Variants in AK3 observed in about 807,000 individuals in gnomAD.
AK3 encodes the protein adenylate kinase 3.
In AK3, 27 loss-of-function variants were observed where a neutral mutation model predicts 23.7. That is an observed-to-expected ratio of 1.14 (90% confidence interval 0.84 to 1.57). AK3 has a LOEUF of 1.57. Ranked by LOEUF, AK3 falls within the 40% of genes most tolerant of loss-of-function variation. The pLI, the probability that AK3 is intolerant of heterozygous loss-of-function variation, is 0.00. For missense variants in AK3, 406 were observed against 285.6 expected (o/e 1.42, Z -3.04); for synonymous variants, 159 against 116.0 (o/e 1.37, Z -2.38).
chr9:4,738,099 A>G (rs1200692211), intron 1 of AK3, among the ~76,000 whole-genome samples: 1 of 152,236 alleles, frequency 6.6e-6, no homozygotes, highest in Non-Finnish European at 1.5e-5. Flanking sequence ...ATTTATTACA[A>G]CAAACAATAG....
chr9:4,735,466 G>GTGTA (rs368205956), intron 1 of AK3, among the ~76,000 whole-genome samples: 640 of 46,720 alleles, frequency 0.014, 40 homozygotes, highest in Middle Eastern at 0.022. Context: ...TAGTATATGT[G>GTGTA]TATATATATA....
intron 1 of AK3, among the ~76,000 whole-genome samples, chr9:4,732,537 GT>G (rs1311007858): frequency 6.6e-6 from 1 of 152,088 alleles, no homozygotes. Context: ...ACAAAAGGCA[GT>G]TTAAAAGTAA....
intron 1 of AK3, among the ~76,000 whole-genome samples, chr9:4,733,984 C>G (rs1166138185): frequency 1.3e-5 from 2 of 152,222 alleles, no homozygotes; most frequent in Non-Finnish European, 2.9e-5. Flanking sequence ...ACATATCACT[C>G]CAATGACCGT....
Position 4,713,030 on chromosome 9 carries a change from A to C in AK3, c.630T>G (p.Ala210=). ...TTTGTGGAACTTTAGTTTGTAGGAA[A>C]GCATATACATAGGGCCAAATCTTGT... The part of the protein sequence containing the change: ...ETNKIWPYVY[A]FLQTKVPQRS... The change falls in exon 5 of 5, where the codon GCT becomes GCG. Residue 210 remains alanine (A), a synonymous_variant. Transcript: ENST00000381809. 6.2e-7 allele frequency: 1 copy of C among 1,613,842 alleles called. No homozygotes were observed. Among genetic ancestry groups the C allele is most frequent in the Non-Finnish European group, 8.5e-7 (1 of 1,179,802 alleles).
intron 1 of AK3, among the ~76,000 whole-genome samples, chr9:4,727,005 C>A (rs971164152): frequency 1.3e-5 from 2 of 152,088 alleles, no homozygotes; most frequent in East Asian, 3.9e-4. Context: ...AGCAGTAATA[C>A]TTTCAAACGA....
intron 1 of AK3, among the ~76,000 whole-genome samples, chr9:4,726,947 G>C (rs10122613): frequency 4.6e-5 from 7 of 151,992 alleles, no homozygotes; most frequent in Non-Finnish European, 8.8e-5. Context: ...ATGAATTTCC[G>C]TGTACATCTC....
intron 1 of AK3, 92 bp from the exon 2 acceptor site, chr9:4,722,717 A>G: frequency 6.5e-7 from 1 of 1,540,530 alleles, no homozygotes; most frequent in South Asian, 1.2e-5. Context: ...GGAAGTCTGA[A>G]TGGCATACTC....
intron 1 of AK3, among the ~76,000 whole-genome samples, chr9:4,725,824 G>C (rs970201682): frequency 6.6e-6 from 1 of 152,116 alleles, no homozygotes; most frequent in Admixed American, 6.5e-5. Context: ...CATGATCAAC[G>C]TCCTTAATCA....
intron 2 of AK3, among the ~76,000 whole-genome samples, chr9:4,719,714 C>A (rs1469715055): frequency 6.6e-6 from 1 of 152,174 alleles, no homozygotes; most frequent in Non-Finnish European, 1.5e-5. Context: ...CTACCTCTAA[C>A]TGGGACACAG....
intron 4 of AK3, among the ~76,000 whole-genome samples, chr9:4,718,173 C>G (rs1284515218): frequency 6.6e-6 from 1 of 152,230 alleles, no homozygotes; most frequent in Non-Finnish European, 1.5e-5. Flanking sequence ...AGCCTAAGGA[C>G]AAAGCCAATA....
chr9:4,723,852 C>T (rs1306299679), intron 1 of AK3, among the ~76,000 whole-genome samples: 3 of 152,120 alleles, frequency 2.0e-5, no homozygotes, highest in Non-Finnish European at 4.4e-5. Context: ...TATTTTACTC[C>T]TCTTTGGGAT....
chr9:4,740,060 C>CAAAAAA, intron 1 of AK3, among the ~76,000 whole-genome samples: 1 of 113,342 alleles, frequency 8.8e-6, no homozygotes, highest in Non-Finnish European at 1.8e-5. Flanking sequence ...GCTATCCTTA[C>CAAAAAA]AAAAAAAAAA....
Position 4,718,507 on chromosome 9 carries a change from T to C in AK3, c.475A>G (p.Ile159Val). 1 of 1,613,842 alleles carries C rather than the reference T, an allele frequency of 6.2e-7. No individual in the cohort carries two copies. The change falls in exon 4 of 5, where the codon ATT (isoleucine) becomes GTT (valine). Residue 159 changes from isoleucine to valine, a missense_variant. Transcript: ENST00000381809. ...GIDDLTGEPL[I>V]QREDDKPETV... ...TCTGGTTTATCATCCTCACGCTGAATGAGAGGCTCCCCAGTCAGGTCATCA... is the reference window on the plus strand; with the variant it reads ...TCTGGTTTATCATCCTCACGCTGAACGAGAGGCTCCCCAGTCAGGTCATCA...
intron 1 of AK3, among the ~76,000 whole-genome samples, chr9:4,738,982 T>C (rs2130918598): frequency 6.6e-6 from 1 of 151,978 alleles, no homozygotes. Context: ...TCATGTTGCC[T>C]AGGCTGGTCT....
chr9:4,725,117 A>G (rs2130891767), intron 1 of AK3, among the ~76,000 whole-genome samples: 1 of 144,828 alleles, frequency 6.9e-6, no homozygotes, highest in East Asian at 2.0e-4. Context: ...CCCCCCTCCC[A>G]GGTTCAAGTG....
intron 1 of AK3, among the ~76,000 whole-genome samples, chr9:4,732,757 A>C (rs7861716): frequency 0.29 from 44,041 of 152,032 alleles, 7,743 homozygotes; most frequent in Non-Finnish European, 0.37. Context: ...CATGTTACCC[A>C]AATCAACCAC....
chr9:4,713,072 G>T lies in AK3; in HGVS notation c.588C>A (p.Phe196Leu), dbSNP rs773707269. Residue 196 changes from phenylalanine (F) to leucine (L), a missense_variant, in exon 5 of 5, where the codon TTC (phenylalanine) becomes TTA (leucine). Coordinates refer to ENST00000381809, the MANE Select transcript of AK3 (RefSeq NM_016282.4). ...AAATCTTGTTGGTTTCTGTTCCGGA[G>T]AATGTTTCCAGCACCCCTTTTTTCC... is the stretch of plus-strand genomic sequence containing the variant. The part of the protein sequence containing the change: ...YYQKKGVLET[F>L]SGTETNKIWP... The T allele has an allele frequency of 8.1e-6, 13 of 1,613,546 alleles. No individual in the cohort carries two copies. Among genetic ancestry groups the T allele is most frequent in the African/African-American group, 1.3e-5 (1 of 74,894 alleles).
chr9:4,736,067 A>G (rs1298074382), intron 1 of AK3, among the ~76,000 whole-genome samples: 1 of 149,944 alleles, frequency 6.7e-6, no homozygotes, highest in Non-Finnish European at 1.5e-5. Flanking sequence ...GTGAGCCGAG[A>G]TCGTGCCACT....
intron 4 of AK3, 68 bp from the exon 5 acceptor site, chr9:4,713,164 C>T (rs117224155): frequency 1.3e-5 from 20 of 1,567,082 alleles, no homozygotes; most frequent in Non-Finnish European, 1.7e-5. Flanking sequence ...TCTTTCAAAG[C>T]CTTTCTGTAA....
Sources: allele counts gnomAD v4.1 joint callset (sites outside exome capture counted in the v4.1 genomes callset), GRCh38; gene constraint gnomAD v4.1.1; transcripts MANE v1.5; gene names NCBI Gene and HGNC (gene_info 2026-07-23, HGNC 2026-07-21).